The following GPHN variants were observed in gnomAD, a reference collection of about 807,000 sequenced individuals.
The protein encoded by GPHN is gephyrin.
A neutral mutation model predicts 95.5 loss-of-function variants in GPHN; 17 were observed. That is an observed-to-expected ratio of 0.18 (90% CI 0.12 to 0.27). GPHN has a LOEUF of 0.27. GPHN is among the 10% of genes least tolerant of loss of function. The probability of loss-of-function intolerance (pLI) is 1.00; values close to 1 mark genes in which losing one functional copy is unlikely to be tolerated. For missense variants in GPHN, 660 were observed against 978.1 expected (o/e 0.67, Z 4.34); for synonymous variants, 320 against 322.5 (o/e 0.99, Z 0.08).
chr14:66,856,196 A>G (rs752241465), intron 4 of GPHN, among the ~76,000 whole-genome samples: 1 of 152,118 alleles, frequency 6.6e-6, no homozygotes, highest in Non-Finnish European at 1.5e-5. Flanking sequence ...TGGTTTAAAA[A>G]AATAACTTGC....
the GPHN span, among the ~76,000 whole-genome samples, chr14:67,462,060 T>TG: frequency 1.3e-5 from 2 of 152,204 alleles, no homozygotes; most frequent in Non-Finnish European, 1.5e-5. Context: ...GGGACTCTAC[T>TG]GCAGAAAAGG....
the GPHN span, among the ~76,000 whole-genome samples, chr14:67,213,095 GTT>G: frequency 1.6e-4 from 22 of 135,606 alleles, 1 homozygote; most frequent in East Asian, 6.3e-4. Flanking sequence ...ATTCTGTGGT[GTT>G]TTTTTTTTTT....
the GPHN span, chr14:67,587,292 T>A: frequency 1.3e-6 from 2 of 1,587,672 alleles, no homozygotes; most frequent in Non-Finnish European, 1.7e-6. Flanking sequence ...TAGAGATATA[T>A]ATCCTAGGGT....
chr14:67,017,887 T>C (rs1317478414), intron 9 of GPHN, among the ~76,000 whole-genome samples: 1 of 152,136 alleles, frequency 6.6e-6, no homozygotes, highest in Non-Finnish European at 1.5e-5. Flanking sequence ...CAGGAATGGC[T>C]ATGATCATAC....
At chr14:67,509,167 T>C in the GPHN span, among the ~76,000 whole-genome samples, 1 of 152,180 alleles carries the variant, frequency 6.6e-6, no homozygotes, top group South Asian at 2.1e-4. Flanking sequence ...AGAAAGCGTG[T>C]TCCCTTTACA....
chr14:67,243,864 T>G, the GPHN span, among the ~76,000 whole-genome samples: 1 of 152,212 alleles, frequency 6.6e-6, no homozygotes, highest in East Asian at 1.9e-4. Flanking sequence ...TTAGTGGTTA[T>G]ATAGTCTAAC....
chr14:67,392,351 A>G, the GPHN span: 1 of 1,612,308 alleles, frequency 6.2e-7, no homozygotes, highest in Non-Finnish European at 8.5e-7. Flanking sequence ...GCCTTGTTTC[A>G]CCACCGTGCC....
chr14:67,349,410 C>G, the GPHN span, among the ~76,000 whole-genome samples: 1 of 152,232 alleles, frequency 6.6e-6, no homozygotes. Flanking sequence ...TTTAAGGATT[C>G]TTCTGCTAGT....
chr14:67,044,229 T>A lies in GPHN; in HGVS notation c.1007-14420T>A, dbSNP rs112776920. On this transcript the variant is annotated intron_variant, in intron 10 of 22. Transcript: ENST00000478722. ...ACACATACCCGTAATCCCAGCTACT[T>A]GGGAGGCTAAGACAGGAGAATTGCT... 3.6e-3 allele frequency among the ~76,000 whole-genome samples: 546 copies of A among 152,006 alleles called. 11 individuals carry two copies. Among genetic ancestry groups the A allele is most frequent in the African/African-American group, 0.012 (510 of 41,470 alleles).
chr14:67,344,788 G>A, the GPHN span, among the ~76,000 whole-genome samples: 1 of 151,670 alleles, frequency 6.6e-6, no homozygotes, highest in African/African-American at 2.4e-5. Flanking sequence ...AGGCTGAGGC[G>A]GGAGACTGCT....
intron 8 of GPHN, among the ~76,000 whole-genome samples, chr14:66,939,650 C>CA (rs2067307023): frequency 6.6e-6 from 1 of 152,144 alleles, no homozygotes; most frequent in African/African-American, 2.4e-5. Flanking sequence ...CCGTGCCAGT[C>CA]AGAGATTCTC....
At chr14:67,304,790 T>C in the GPHN span, among the ~76,000 whole-genome samples, 1 of 150,714 alleles carries the variant, frequency 6.6e-6, no homozygotes, top group South Asian at 2.1e-4. Flanking sequence ...ATATGAATTA[T>C]ATATCAATAA....
the GPHN span, chr14:67,600,308 C>T: frequency 2.0e-6 from 2 of 993,038 alleles, no homozygotes; most frequent in Non-Finnish European, 1.4e-6. Context: ...CGTCACCACG[C>T]CCCGCCCTAA....
intron 1 of GPHN, among the ~76,000 whole-genome samples, chr14:66,526,876 C>T (rs1022346376): frequency 6.6e-6 from 1 of 152,164 alleles, no homozygotes; most frequent in African/African-American, 2.4e-5. Context: ...ATTCGGTTTG[C>T]CAATATTTTA....
chr14:67,480,377 G>C, the GPHN span, among the ~76,000 whole-genome samples: 2 of 152,112 alleles, frequency 1.3e-5, no homozygotes, highest in Non-Finnish European at 2.9e-5. Context: ...CAGACATCCC[G>C]GGAGACTGAA....
chr14:66,560,352 T>C (rs915014658), intron 1 of GPHN, among the ~76,000 whole-genome samples: 2 of 152,216 alleles, frequency 1.3e-5, no homozygotes, highest in South Asian at 2.1e-4. Flanking sequence ...TTTCACGATA[T>C]TGATTCTTCC....
the GPHN span, among the ~76,000 whole-genome samples, chr14:67,675,397 C>T: frequency 2.6e-5 from 4 of 151,828 alleles, no homozygotes; most frequent in Non-Finnish European, 5.9e-5. Context: ...CCAGCTACCC[C>T]CGGAGGCTGA....
chr14:67,535,108 T>G, the GPHN span, among the ~76,000 whole-genome samples: 1 of 152,230 alleles, frequency 6.6e-6, no homozygotes, highest in Non-Finnish European at 1.5e-5. Flanking sequence ...GAGTACAGTG[T>G]GTATGGTGGG....
At chr14:66,515,589 G>A (rs1313160615) in intron 1 of GPHN, among the ~76,000 whole-genome samples, 1 of 152,296 alleles carries the variant, frequency 6.6e-6, no homozygotes, top group Non-Finnish European at 1.5e-5. Flanking sequence ...TGAAAATGCT[G>A]TTAATGTTGA....
Sources: allele counts gnomAD v4.1 joint callset (sites outside exome capture counted in the v4.1 genomes callset), GRCh38; gene constraint gnomAD v4.1.1; transcripts MANE v1.5; gene names NCBI Gene and HGNC (gene_info 2026-07-23, HGNC 2026-07-21).